The following ZBP1 variants were observed in gnomAD, a reference collection of about 807,000 sequenced individuals.
ZBP1 encodes the protein Z-DNA binding protein 1.
ZBP1 carries 42 observed loss-of-function variants against 41.1 expected under a neutral mutation model. The observed-to-expected ratio is 1.02, with a 90% CI of 0.80 to 1.32. The LOEUF is 1.32. ZBP1 is among the 40% of genes most tolerant of loss of function. The probability of loss-of-function intolerance (pLI) is 0.00; values close to 1 mark genes in which losing one functional copy is unlikely to be tolerated. For missense variants in ZBP1, 562 were observed against 549.7 expected (o/e 1.02, Z -0.22); for synonymous variants, 214 against 205.2 (o/e 1.04, Z -0.37).
chr20:57,619,948 A>G lies in ZBP1; in HGVS notation c.34+314T>C, dbSNP rs150463566. ...ACCTCCCGGGTTCAAGCGATTCTCCAGCCTCAGCATCCCGAGTAGCTGGGA... is the reference window on the plus strand; with the variant it reads ...ACCTCCCGGGTTCAAGCGATTCTCCGGCCTCAGCATCCCGAGTAGCTGGGA... On this transcript the variant is annotated intron_variant, in intron 1 of 7. Coordinates refer to ENST00000371173, the MANE Select transcript of ZBP1 (RefSeq NM_030776.3). Among the ~76,000 whole-genome samples the G allele has an allele frequency of 4.3e-3, 653 of 151,376 alleles. 5 individuals are homozygous for G. Among genetic ancestry groups the G allele is most frequent in the African/African-American group, 0.015 (626 of 41,214 alleles).
intron 7 of ZBP1, chr20:57,607,046 T>G: frequency 7.7e-7 from 1 of 1,295,852 alleles, no homozygotes; most frequent in Non-Finnish European, 1.0e-6. Context: ...AGGAGTAACT[T>G]CAACATTCAC....
chr20:57,617,985 G>C (rs2070888119), intron 1 of ZBP1: 1 of 152,258 alleles, frequency 6.6e-6, no homozygotes, highest in Non-Finnish European at 1.5e-5. Flanking sequence ...TTCCTGGCCT[G>C]AGTTTAATGA....
chr20:57,611,308 G>A (rs529389017), intron 6 of ZBP1, among the ~76,000 whole-genome samples: 210 of 151,394 alleles, frequency 1.4e-3, no homozygotes, highest in Non-Finnish European at 2.5e-3. Flanking sequence ...GCAGTGGTGC[G>A]ATCTCCGTTT....
intron 7 of ZBP1, among the ~76,000 whole-genome samples, chr20:57,608,151 T>G (rs1418633661): frequency 1.3e-5 from 2 of 151,934 alleles, no homozygotes; most frequent in Admixed American, 1.3e-4. Flanking sequence ...AGACAGAGTC[T>G]TGCTCTGTCG....
rs78884809 is a variant in ZBP1 at position 57,605,522 on chromosome 20, A to G, written c.1094-753T>C. On this transcript the variant is annotated intron_variant, in intron 7 of 7. Coordinates refer to ENST00000371173, the MANE Select transcript of ZBP1 (RefSeq NM_030776.3). ...ATCACCTGTAGAAGATGACGAAGTT[A>G]ATTAATAAATCTGTGTGCTCTAACC... Among the ~76,000 whole-genome samples the G allele has an allele frequency of 4.7e-3, 721 of 152,328 alleles. 5 individuals carry two copies. Among genetic ancestry groups the G allele is most frequent in the Non-Finnish European group, 7.7e-3 (525 of 68,036 alleles).
intron 1 of ZBP1, among the ~76,000 whole-genome samples, chr20:57,619,081 G>A (rs1444252565): frequency 6.6e-6 from 1 of 152,078 alleles, no homozygotes; most frequent in African/African-American, 2.4e-5. Context: ...GGTCACAAAA[G>A]GAAAATCAAC....
At chr20:57,607,470 G>T (rs773285664) in intron 7 of ZBP1, among the ~76,000 whole-genome samples, 2 of 152,196 alleles carry the variant, frequency 1.3e-5, no homozygotes, top group African/African-American at 2.4e-5. Context: ...AAGATACTGC[G>T]AACATTCTTG....
Position 57,614,764 on chromosome 20 carries a change from G to C in ZBP1, c.502+123C>G, listed in dbSNP as rs545212104. 3.1e-6 allele frequency: 4 copies of C among 1,310,338 alleles called. No individual in the cohort carries two copies. The African/African-American group carries it at 5.9e-5, about 19-fold the overall frequency. The allele number at this position is 1,310,338 out of a possible 1,614,324, so 81.2% of individuals were successfully genotyped here. The stretch of plus-strand genomic sequence containing the variant: ...CTGGAAGCCCTTGCAGTGAATTGTC[G>C]GTAGGACCTCCAGAAGCTTCTAGCA... On this transcript the variant is annotated intron_variant, in intron 4 of 7. Coordinates refer to ENST00000371173, the MANE Select transcript of ZBP1 (RefSeq NM_030776.3).
intron 1 of ZBP1, chr20:57,616,909 C>T (rs902384160): frequency 2.4e-5 from 5 of 209,872 alleles, no homozygotes; most frequent in Non-Finnish European, 4.9e-5. Context: ...GCCATCCTCC[C>T]CGGGAGTGCC....
At chr20:57,619,913 T>A (rs1276389942) in intron 1 of ZBP1, among the ~76,000 whole-genome samples, 1 of 151,276 alleles carries the variant, frequency 6.6e-6, no homozygotes, top group Non-Finnish European at 1.5e-5. Flanking sequence ...CTCAGCTCAC[T>A]ACAACTTCCA....
intron 7 of ZBP1, among the ~76,000 whole-genome samples, chr20:57,606,890 T>C (rs937945375): frequency 1.3e-5 from 2 of 152,146 alleles, no homozygotes; most frequent in Non-Finnish European, 2.9e-5. Flanking sequence ...TTCCGCATCC[T>C]GGATTGAGGG....
rs199791169 is a variant in ZBP1 at position 57,614,991 on chromosome 20, C to T, written c.398G>A (p.Gly133Glu). ...GTTCACATCTTTTGCTGTCCTCATTCCCAGTGCTTGGGCGATGACCAGGGC... is the reference window on the plus strand; with the variant it reads ...GTTCACATCTTTTGCTGTCCTCATTTCCAGTGCTTGGGCGATGACCAGGGC... ...QRALVIAQAL[G>E]MRTAKDVNRD... is the part of the protein sequence containing the mutation. Residue 133 changes from glycine (G) to glutamate (E), a missense_variant, in exon 4 of 8, where the codon GGA becomes GAA. Physicochemically the swap from Gly to Glu is moderately conservative, Grantham distance 98. Coordinates refer to ENST00000371173, the MANE Select transcript of ZBP1 (RefSeq NM_030776.3). 1.2e-6 allele frequency: 2 copies of T among 1,614,222 alleles called. No individual in the cohort carries two copies. Among genetic ancestry groups the T allele is most frequent in the African/African-American group, 1.3e-5 (1 of 75,034 alleles).
In ZBP1 at chr20:57,611,708, G is replaced by A. The variant is rs2070676463; in HGVS notation, c.874+19C>T. ...CCACGGGGTGGCAGAGTTGGGTCTG[G>A]CCTCTAGATCCCAGTTACCTGGGGG... On this transcript the variant is annotated intron_variant, in intron 6 of 7. Transcript: ENST00000371173. The A allele has an allele frequency of 5.0e-6, 8 of 1,599,812 alleles. No homozygotes were observed. The highest frequency in any genetic ancestry group is 4.3e-6 in the Non-Finnish European group (5 of 1,174,242).
At chr20:57,605,422 A>T (rs2146552379) in intron 7 of ZBP1, among the ~76,000 whole-genome samples, 1 of 152,238 alleles carries the variant, frequency 6.6e-6, no homozygotes, top group African/African-American at 2.4e-5. Context: ...TTTTGATTAT[A>T]TGTGTTATGG....
At chr20:57,620,233 C>T (rs1301087745) in intron 1 of ZBP1, 29 bp downstream of exon 1, 8 of 1,573,004 alleles carry the variant, frequency 5.1e-6, no homozygotes, top group Non-Finnish European at 1.7e-6. Flanking sequence ...GGAGCTACCG[C>T]TGGTCCTTGG....
Position 57,604,033 on chromosome 20 carries a change from AATTTTTTGT to A in ZBP1, c.*531_*539del, listed in dbSNP as rs2070433351. On this transcript the variant is annotated 3_prime_UTR_variant, in exon 8 of 8. Coordinates refer to ENST00000371173, the MANE Select transcript of ZBP1 (RefSeq NM_030776.3). ...CAGGTGCCCGCCACAACGCCCGGCT[AATTTTTTGT>A]ATTTTTTTTTTTAGTAGAGACGGGG... The A allele has an allele frequency of 5.1e-6, 1 of 196,900 alleles. No homozygotes were observed. Among genetic ancestry groups the A allele is most frequent in the African/African-American group, 2.4e-5 (1 of 41,766 alleles). 12.2% of individuals were successfully genotyped at this position (196,900 alleles called of 1,614,324 possible). A position where few individuals can be genotyped will look rare whatever the true frequency, so the allele number is the denominator to read the frequency against.
chr20:57,610,576 C>T lies in ZBP1; in HGVS notation c.875-209G>A. 1.7e-6 allele frequency: 1 copy of T among 603,688 alleles called. No individual in the cohort carries two copies. The highest frequency in any genetic ancestry group is 2.9e-6 in the Non-Finnish European group (1 of 340,210). The allele number at this position is 603,688 out of a possible 1,614,324, so 37.4% of individuals were successfully genotyped here. A position where few individuals can be genotyped will look rare whatever the true frequency, so the allele number is the denominator to read the frequency against. ...GCTGTCTGGGAAGCGTCTTTCTGCT[C>T]CACTGATCCCGCAGTGGGTCTGCCC... On this transcript the variant is annotated intron_variant, in intron 6 of 7. Transcript: ENST00000371173. The surrounding 1 kb of genome is among the most constrained non-coding windows in gnomAD (Gnocchi z 5.5).
chr20:57,613,583 G>A lies in ZBP1; in HGVS notation c.503-253C>T, dbSNP rs938556206. Among the ~76,000 whole-genome samples, 4 of 152,138 alleles carry A rather than the reference G, an allele frequency of 2.6e-5. No individual in the cohort carries two copies. Among genetic ancestry groups the A allele is most frequent in the Non-Finnish European group, 1.5e-5 (1 of 67,998 alleles). Reference sequence around the variant, plus strand: ...CTTTTGCTGCCTCCATGGCTGGGCCGCCATGATTGCTGGCTGGGAGGACCG... The same window carrying A: ...CTTTTGCTGCCTCCATGGCTGGGCCACCATGATTGCTGGCTGGGAGGACCG... On this transcript the variant is annotated intron_variant, in intron 4 of 7. Coordinates refer to ENST00000371173, the MANE Select transcript of ZBP1 (RefSeq NM_030776.3). This position sits in a 1 kb window ranked among gnomAD's most constrained non-coding sequence, Gnocchi z 4.5.
intron 7 of ZBP1, chr20:57,607,444 G>T: frequency 9.1e-7 from 1 of 1,102,902 alleles, no homozygotes; most frequent in Non-Finnish European, 1.2e-6. Flanking sequence ...TCTTGAGATG[G>T]CATCTATTCC....
Sources: gnomAD v4.1 joint callset for allele counts (sites outside exome capture counted in the v4.1 genomes callset) on GRCh38, gnomAD v4.1.1 for gene constraint, Gnocchi (gnomAD v3.1) non-coding constraint, MANE v1.5 for transcripts, NCBI Gene and HGNC (gene_info 2026-07-23, HGNC 2026-07-21) for gene names.